The following CAMK4 variants were observed in gnomAD, a reference collection of about 807,000 sequenced individuals.
CAMK4 encodes calcium/calmodulin-dependent protein kinase type IV.
A neutral mutation model predicts 44.9 loss-of-function variants in CAMK4; 22 were observed. The observed-to-expected ratio is 0.49, with a 90% CI of 0.35 to 0.70. The LOEUF (loss-of-function observed/expected upper bound fraction) is 0.70, where lower values mean the gene tolerates loss of function less well. CAMK4 is among the 30% of genes least tolerant of loss of function. The pLI is 0.01. For synonymous variants in CAMK4, 218 were observed against 215.4 expected, an observed-to-expected ratio of 1.01 and a Z score of -0.11; for missense variants, 498 against 586.8, an observed-to-expected ratio of 0.85 and a Z score of 1.56.
At chr5:111,249,241 TA>T (rs1237112492) in intron 1 of CAMK4, among the ~76,000 whole-genome samples, 1 of 152,070 alleles carries the variant, frequency 6.6e-6, no homozygotes, top group Admixed American at 6.6e-5. Flanking sequence ...AATAATTGGG[TA>T]AAACCCAGCC....
At chr5:111,354,485 T>A (rs1750245800) in intron 2 of CAMK4, among the ~76,000 whole-genome samples, 1 of 151,580 alleles carries the variant, frequency 6.6e-6, no homozygotes, top group Admixed American at 6.6e-5. Context: ...ATTTGTTAAT[T>A]AGCTTGATTG....
chr5:111,401,767 G>GA (rs1752237022), intron 5 of CAMK4, among the ~76,000 whole-genome samples: 1 of 152,136 alleles, frequency 6.6e-6, no homozygotes, highest in African/African-American at 2.4e-5. Context: ...ATAACTTCAG[G>GA]AAACAGCTAC....
At chr5:111,263,768 G>C (rs1031146257) in intron 1 of CAMK4, among the ~76,000 whole-genome samples, 2 of 152,022 alleles carry the variant, frequency 1.3e-5, no homozygotes, top group Admixed American at 6.5e-5. Flanking sequence ...CCCAAAATAG[G>C]CTCTAGACTC....
chr5:111,344,235 G>C, intron 2 of CAMK4, 133 bp downstream of exon 2: 1 of 524,370 alleles, frequency 1.9e-6, no homozygotes. Flanking sequence ...GATTACGGGA[G>C]TGCAACCCAA....
In CAMK4 at chr5:111,230,381, A is replaced by C. The variant is rs73786831; in HGVS notation, c.161+5737A>C. On this transcript the variant is annotated intron_variant, in intron 1 of 10. Transcript: ENST00000282356. ...AAATCAAGTTGGACTAAAAGGCATGAAATGCCTCCAAGCTATACCATCCAC... is the reference window on the plus strand; with the variant it reads ...AAATCAAGTTGGACTAAAAGGCATGCAATGCCTCCAAGCTATACCATCCAC... Among the ~76,000 whole-genome samples the C allele has an allele frequency of 7.8e-3, 1,194 of 152,336 alleles. 13 individuals carry two copies. The highest frequency in any genetic ancestry group is 0.027 in the African/African-American group (1,142 of 41,572).
intron 1 of CAMK4, among the ~76,000 whole-genome samples, chr5:111,270,506 A>G (rs1750464396): frequency 1.3e-5 from 2 of 152,138 alleles, no homozygotes; most frequent in Admixed American, 1.3e-4. Flanking sequence ...CTGACATCCC[A>G]ACCTTGGATC....
At chr5:111,479,960 A>AGG (rs1349521020) in intron 9 of CAMK4, among the ~76,000 whole-genome samples, 2 of 152,010 alleles carry the variant, frequency 1.3e-5, no homozygotes, top group African/African-American at 4.8e-5. Flanking sequence ...CAGGATCCAG[A>AGG]GGGATGGTCT....
At chr5:111,457,260 C>G (rs1429665326) in intron 7 of CAMK4, among the ~76,000 whole-genome samples, 1 of 152,150 alleles carries the variant, frequency 6.6e-6, no homozygotes, top group Non-Finnish European at 1.5e-5. Flanking sequence ...CTTCCTCACA[C>G]ACACACATTA....
At chr5:111,392,055 A>AT (rs139266637) in intron 4 of CAMK4, among the ~76,000 whole-genome samples, 138,833 of 152,218 alleles carry the variant, frequency 0.91, 63,427 homozygotes, top group East Asian at 1. Flanking sequence ...AGCTGTTCTT[A>AT]TTCTTCGTAA....
rs1749484970 is a variant in CAMK4, at chr5:111,338,112, T to C, written c.162-5912T>C. Reference sequence around the variant, plus strand: ...AAGTATATGGTCAAATCATTTTTCATTGGAAATAATTATATATTTTTATAG... The same window carrying C: ...AAGTATATGGTCAAATCATTTTTCACTGGAAATAATTATATATTTTTATAG... On this transcript the variant is annotated intron_variant, in intron 1 of 10. Transcript: ENST00000282356. Among the ~76,000 whole-genome samples, 11 of 151,174 alleles carry C rather than the reference T, an allele frequency of 7.3e-5. No individual in the cohort carries two copies. The South Asian group carries it at 1.5e-3, about 20-fold the overall frequency.
At chr5:111,233,565 A>G (rs906857644) in intron 1 of CAMK4, among the ~76,000 whole-genome samples, 2 of 152,192 alleles carry the variant, frequency 1.3e-5, no homozygotes, top group African/African-American at 4.8e-5. Flanking sequence ...TTGGCGGGTA[A>G]TTTGTTTTGT....
intron 1 of CAMK4, among the ~76,000 whole-genome samples, chr5:111,238,861 G>A (rs897864754): frequency 3.5e-4 from 39 of 112,324 alleles, no homozygotes; most frequent in Non-Finnish European, 6.4e-4. Context: ...TCCCTAGCAT[G>A]CCTCCACCTT....
chr5:111,249,515 A>C (rs1232965257), intron 1 of CAMK4, among the ~76,000 whole-genome samples: 1 of 151,068 alleles, frequency 6.6e-6, no homozygotes, highest in African/African-American at 2.4e-5. Flanking sequence ...TTTTGAGTAT[A>C]GAAGTTTTGA....
At chr5:111,465,766 A>G (rs890830126) in intron 7 of CAMK4, among the ~76,000 whole-genome samples, 3 of 152,244 alleles carry the variant, frequency 2.0e-5, no homozygotes, top group African/African-American at 7.2e-5. Context: ...GCTGAATTCT[A>G]TCAAACATTC....
chr5:111,468,268 TAAAGA>T (rs1754918690), intron 7 of CAMK4, among the ~76,000 whole-genome samples: 1 of 152,014 alleles, frequency 6.6e-6, no homozygotes, highest in Non-Finnish European at 1.5e-5. Context: ...AAATCCCCAC[TAAAGA>T]AATTTTCAAT....
chr5:111,258,236 T>C (rs1316170538), intron 1 of CAMK4, among the ~76,000 whole-genome samples: 2 of 152,174 alleles, frequency 1.3e-5, no homozygotes, highest in African/African-American at 2.4e-5. Context: ...TTTTAACAGA[T>C]TTAATGAGAT....
In CAMK4 at chr5:111,372,653, T is replaced by C. The variant is rs114489565; in HGVS notation, c.241-2197T>C. 7.6e-3 allele frequency among the ~76,000 whole-genome samples: 1,153 copies of C among 152,300 alleles called. 16 individuals carry two copies. Among genetic ancestry groups the C allele is most frequent in the African/African-American group, 0.027 (1,107 of 41,570 alleles). On this transcript the variant is annotated intron_variant, in intron 2 of 10. Transcript: ENST00000282356. ...CCAATAAATTACCATTTGGGACTTATTACGTGAGTTTGAGCTGCGTGTTTG... is the reference window on the plus strand; with the variant it reads ...CCAATAAATTACCATTTGGGACTTACTACGTGAGTTTGAGCTGCGTGTTTG...
At chr5:111,365,647 T>C (rs1750763385) in intron 2 of CAMK4, among the ~76,000 whole-genome samples, 2 of 151,980 alleles carry the variant, frequency 1.3e-5, no homozygotes, top group South Asian at 2.1e-4. Flanking sequence ...GATTTGGGCA[T>C]AGCAATGAGG....
intron 5 of CAMK4, among the ~76,000 whole-genome samples, chr5:111,422,453 C>T (rs953835552): frequency 6.6e-6 from 1 of 152,222 alleles, no homozygotes. Context: ...GCTGTTAAAA[C>T]TCCTGTTCTA....
Sources: gnomAD v4.1 joint callset for allele counts (sites outside exome capture counted in the v4.1 genomes callset) on GRCh38, gnomAD v4.1.1 for gene constraint, MANE v1.5 for transcripts, NCBI Gene and HGNC (gene_info 2026-07-23, HGNC 2026-07-21) for gene names.